Variants in NUP210 observed in about 807,000 individuals in gnomAD.
NUP210 encodes the protein nucleoporin 210, also known as nuclear pore membrane glycoprotein 210.
A neutral mutation model predicts 196.0 loss-of-function variants in NUP210; 151 were observed. That is an observed-to-expected ratio of 0.77 (90% CI 0.67 to 0.88). NUP210 has a LOEUF of 0.88. Ranked by LOEUF, NUP210 falls within the 40% of genes least tolerant of loss-of-function variation. The probability of loss-of-function intolerance (pLI) is 0.00; values close to 1 mark genes in which losing one functional copy is unlikely to be tolerated. For synonymous variants in NUP210, 1,070 were observed against 1,052.7 expected, an observed-to-expected ratio of 1.02 and a Z score of -0.32; for missense variants, 2,314 against 2,493.7, an observed-to-expected ratio of 0.93 and a Z score of 1.53.
In NUP210 at chr3:13,401,259, C is replaced by CA. The variant is rs71066952; in HGVS notation, c.168-1399dup. Among the ~76,000 whole-genome samples, 248 of 43,732 alleles carry CA rather than the reference C, an allele frequency of 5.7e-3. 12 individuals carry two copies. Among genetic ancestry groups the CA allele is most frequent in the East Asian group, 0.014 (19 of 1,312 alleles). The allele number at this position is 43,732 out of a possible 152,430, so 28.7% of individuals were successfully genotyped here. A position where few individuals can be genotyped will look rare whatever the true frequency, so the allele number is the denominator to read the frequency against. On this transcript the variant is annotated intron_variant, in intron 1 of 39. Coordinates refer to ENST00000254508, the MANE Select transcript of NUP210 (RefSeq NM_024923.4). Reference sequence around the variant, plus strand: ...TGGGCAACAGAGTGAGACTCTGGCTCAAAAAAAAAAAAAAAAAAAAAGGCA... The same window carrying CA: ...TGGGCAACAGAGTGAGACTCTGGCTCAAAAAAAAAAAAAAAAAAAAAAGGCA...
chr3:13,390,888 C>G (rs1453502854), intron 4 of NUP210, among the ~76,000 whole-genome samples: 1 of 152,240 alleles, frequency 6.6e-6, no homozygotes, highest in Non-Finnish European at 1.5e-5. Flanking sequence ...ACTGGCCCCC[C>G]AGAAGTGCAG....
At chr3:13,376,764 C>T (rs1341225502) in intron 9 of NUP210, among the ~76,000 whole-genome samples, 1 of 152,162 alleles carries the variant, frequency 6.6e-6, no homozygotes, top group Admixed American at 6.5e-5. Flanking sequence ...GACATCACGT[C>T]CCCTACAGCT....
intron 20 of NUP210, among the ~76,000 whole-genome samples, chr3:13,344,597 T>C (rs775191715): frequency 1.3e-5 from 2 of 152,070 alleles, no homozygotes; most frequent in Non-Finnish European, 2.9e-5. Context: ...GACAACCAAA[T>C]AGGATCACAT....
At chr3:13,393,067 AAC>A (rs1377920833) in intron 3 of NUP210, among the ~76,000 whole-genome samples, 1 of 152,214 alleles carries the variant, frequency 6.6e-6, no homozygotes, top group African/African-American at 2.4e-5. Flanking sequence ...AATACATGCC[AAC>A]ACCACAAGAG....
Position 13,330,622 on chromosome 3 carries a change from G to C in NUP210, c.3948C>G (p.Ala1316=), listed in dbSNP as rs755627322. ...IKLQTNRDGA[A]SLSYRVLDGP... ...CATCCAGGACGCGGTAGCTCAGAGA[G>C]GCTGCACCATCCCTTTGGAAAACAA... Residue 1316 remains alanine, a synonymous_variant, in exon 30 of 40, where the codon GCC becomes GCG. Transcript: ENST00000254508. The C allele has an allele frequency of 6.2e-7, 1 of 1,613,992 alleles. No individual in the cohort carries two copies. Among genetic ancestry groups the C allele is most frequent in the East Asian group, 2.2e-5 (1 of 44,880 alleles).
At position 13,371,915 on chromosome 3, in the gene NUP210, C is replaced by T; in HGVS notation, c.1705G>A (p.Glu569Lys). The change falls in exon 13 of 40, where the codon GAG (glutamate) becomes AAG (lysine). Residue 569 changes from glutamate to lysine, a missense_variant. Coordinates refer to ENST00000254508, the MANE Select transcript of NUP210 (RefSeq NM_024923.4). ...GAGCAGTCGCTCAAGGTGACCACCT[C>T]ACTGGCCCCGCCGGGCATGAGGCCA... ...ISGLMPGGAS[E>K]VVTLSDCSHF... 6.2e-7 allele frequency: 1 copy of T among 1,609,448 alleles called. No individual in the cohort carries two copies.
intron 3 of NUP210, 132 bp downstream of exon 3, chr3:13,397,225 G>C: frequency 9.0e-7 from 1 of 1,112,340 alleles, no homozygotes; most frequent in South Asian, 1.8e-5. Flanking sequence ...TCACCTGCCT[G>C]ACCAGAGCTG....
chr3:13,354,473 A>C (rs1226142623), intron 16 of NUP210: 5 of 200,012 alleles, frequency 2.5e-5, no homozygotes, highest in Non-Finnish European at 5.1e-5. Flanking sequence ...ACAGCCCCCC[A>C]CAGGAACTAT....
At chr3:13,388,166 C>A in intron 5 of NUP210, 137 bp downstream of exon 5, 2 of 652,742 alleles carry the variant, frequency 3.1e-6, no homozygotes, top group Non-Finnish European at 5.1e-6. Flanking sequence ...AATATGAACC[C>A]ACATCCTGAA....
Position 13,321,612 on chromosome 3 carries a change from A to C in NUP210, c.5139T>G (p.Gly1713=). ...HYTSSEIRVF[G]APEVLENLEV... The stretch of plus-strand genomic sequence containing the variant: ...CCAAGTTCTCCAGAACCTCCGGGGC[A>C]CCAAAGACCCTGATCTCGGAACTGG... Residue 1713 remains glycine, a synonymous_variant, in exon 36 of 40, where the codon GGT becomes GGG. Coordinates refer to ENST00000254508, the MANE Select transcript of NUP210 (RefSeq NM_024923.4). 1 of 1,614,008 alleles carries C rather than the reference A, an allele frequency of 6.2e-7. No individual in the cohort carries two copies. Among genetic ancestry groups the C allele is most frequent in the South Asian group, 1.1e-5 (1 of 91,084 alleles).
At chr3:13,397,743 A>G (rs1012035449) in intron 2 of NUP210, among the ~76,000 whole-genome samples, 1 of 152,236 alleles carries the variant, frequency 6.6e-6, no homozygotes, top group African/African-American at 2.4e-5. Context: ...TGTGGGCAAA[A>G]AAAACTCCAG....
At chr3:13,330,418 A>C in intron 30 of NUP210, 42 bp downstream of exon 30, 1 of 1,587,656 alleles carries the variant, frequency 6.3e-7, no homozygotes, top group African/African-American at 1.3e-5. Context: ...CCTCAGTGCT[A>C]TTGCTTTCAT....
chr3:13,419,713 C>G (rs1214879156), intron 1 of NUP210, among the ~76,000 whole-genome samples: 1 of 152,298 alleles, frequency 6.6e-6, no homozygotes, highest in East Asian at 1.9e-4. Context: ...CCGGCGCCCC[C>G]TCCCGGGTCA....
chr3:13,365,350 G>C (rs1202925374), intron 14 of NUP210, among the ~76,000 whole-genome samples: 2 of 152,190 alleles, frequency 1.3e-5, no homozygotes, highest in Non-Finnish European at 2.9e-5. Flanking sequence ...GGAATGTAAG[G>C]CCCAAGAGTG....
In NUP210 at chr3:13,332,077, A is replaced by G. The variant is rs527648057; in HGVS notation, c.3935+216T>C. 2.0e-5 allele frequency among the ~76,000 whole-genome samples: 3 copies of G among 152,266 alleles called. No individual in the cohort carries two copies. The East Asian group carries it at 5.8e-4, about 29-fold the overall frequency. Reference sequence around the variant, plus strand: ...TCGCATAAAAATGTTTCTAGGCTACAAGGAGGAAAAAGAGACCCACAGTGA... The same window carrying G: ...TCGCATAAAAATGTTTCTAGGCTACGAGGAGGAAAAAGAGACCCACAGTGA... On this transcript the variant is annotated intron_variant, in intron 29 of 39. Transcript: ENST00000254508.
Position 13,337,018 on chromosome 3 carries a change from A to G in NUP210, c.3553-100T>C, listed in dbSNP as rs1184412023. On this transcript the variant is annotated intron_variant, in intron 26 of 39. Coordinates refer to ENST00000254508, the MANE Select transcript of NUP210 (RefSeq NM_024923.4). ...CTTCAAGCAGTGGGAGATGAACCCAATTCCTCCCCAACTAGAGAAGAGCAT... is the reference window on the plus strand; with the variant it reads ...CTTCAAGCAGTGGGAGATGAACCCAGTTCCTCCCCAACTAGAGAAGAGCAT... The G allele has an allele frequency of 3.5e-6, 5 of 1,422,114 alleles. No individual in the cohort carries two copies. In the East Asian group the frequency reaches 7.0e-5, roughly 20 times the overall value. The allele number at this position is 1,422,114 out of a possible 1,614,324, so 88.1% of individuals were successfully genotyped here. A position where few individuals can be genotyped will look rare whatever the true frequency, so the allele number is the denominator to read the frequency against.
At chr3:13,361,635 T>C (rs1698375050) in intron 14 of NUP210, among the ~76,000 whole-genome samples, 1 of 152,204 alleles carries the variant, frequency 6.6e-6, no homozygotes, top group East Asian at 1.9e-4. Flanking sequence ...CCCACTGCAG[T>C]GACTGCCAAG....
chr3:13,317,928 T>C (rs1696339448), intron 39 of NUP210, 147 bp from the exon 40 acceptor site: 3 of 616,654 alleles, frequency 4.9e-6, no homozygotes, highest in Admixed American at 5.8e-5. Context: ...CAGAGGGAAG[T>C]CCACGGGCAC....
Position 13,366,028 on chromosome 3 carries a change from G to T in NUP210, c.1850C>A (p.Ser617Tyr). The T allele has an allele frequency of 6.2e-7, 1 of 1,614,224 alleles. No homozygotes were observed. The highest frequency in any genetic ancestry group is 8.5e-7 in the Non-Finnish European group (1 of 1,180,018). ...TCTGTAGCTCACAAGAAGCGTGGTAGAGCCCTGGGCCTCGGCCTTTACCCG... is the reference window on the plus strand; with the variant it reads ...TCTGTAGCTCACAAGAAGCGTGGTATAGCCCTGGGCCTCGGCCTTTACCCG... Reference protein sequence around the residue: ...GIRVKAEAQGSTTLLVSYRHG... With the variant: ...GIRVKAEAQGYTTLLVSYRHG... The change falls in exon 14 of 40, where the codon TCT becomes TAT. Residue 617 changes from serine (S) to tyrosine (Y), a missense_variant. Physicochemically the swap from Ser to Tyr is moderately radical, Grantham distance 144. Coordinates refer to ENST00000254508, the MANE Select transcript of NUP210 (RefSeq NM_024923.4).
Sources: gnomAD v4.1 joint callset for allele counts (sites outside exome capture counted in the v4.1 genomes callset) on GRCh38, gnomAD v4.1.1 for gene constraint, MANE v1.5 for transcripts, NCBI Gene and HGNC (gene_info 2026-07-23, HGNC 2026-07-21) for gene names.